The following SERPINB12 variants were observed in gnomAD, a reference collection of about 807,000 sequenced individuals.
SERPINB12 encodes serpin family B member 12.
In SERPINB12, 57 loss-of-function variants were observed where a neutral mutation model predicts 41.1. The observed-to-expected ratio is 1.39, with a 90% confidence interval of 1.12 to 1.73. The LOEUF is 1.73. Among genes scored for constraint, SERPINB12 ranks in the 40% most tolerant of loss-of-function variants. The pLI is 0.00. For missense variants in SERPINB12, 536 were observed against 501.9 expected (o/e 1.07, Z -0.65); for synonymous variants, 180 against 181.3 (o/e 0.99, Z 0.06).
chr18:63,529,693 G>A, the SERPINB12 span, among the ~76,000 whole-genome samples: 1 of 152,156 alleles, frequency 6.6e-6, no homozygotes, highest in African/African-American at 2.4e-5. Context: ...GTATGTGTGT[G>A]TGTGTGTGTA....
Position 63,542,867 on chromosome 18 carries a change from C to T in SERPINB12, c.-19+375C>T, listed in dbSNP as rs139007098. ...TCCATATGTTCTCAATGTTTAGCTC[C>T]CACTTATAAGTTAGAACATGTGGTA... On this transcript the variant is annotated intron_variant, in intron 1 of 7. Transcript: ENST00000382768. 3.1e-3 allele frequency among the ~76,000 whole-genome samples: 474 copies of T among 152,208 alleles called. 6 individuals are homozygous for T. The highest frequency in any genetic ancestry group is 0.011 in the African/African-American group (450 of 41,534).
At chr18:63,534,580 C>T in the SERPINB12 span, among the ~76,000 whole-genome samples, 33 of 152,170 alleles carry the variant, frequency 2.2e-4, no homozygotes, top group Non-Finnish European at 1.9e-4. Flanking sequence ...TCTAGTGGAA[C>T]GTGGAAATAA....
At position 63,568,940 on chromosome 18, in the gene SERPINB12, G is replaced by A. The variant is rs1185689325; in HGVS notation, c.*1929G>A. On this transcript the variant is annotated 3_prime_UTR_variant, in exon 8 of 8. Transcript: ENST00000382768. Reference sequence around the variant, plus strand: ...AGGCAGTGCCCTATCCAGAATGCATGTCCCATGGGTCAAATTAATTTCAGA... The same window carrying A: ...AGGCAGTGCCCTATCCAGAATGCATATCCCATGGGTCAAATTAATTTCAGA... 6.6e-6 allele frequency among the ~76,000 whole-genome samples: 1 copy of A among 152,182 alleles called. No individual in the cohort carries two copies. Among genetic ancestry groups the A allele is most frequent in the Non-Finnish European group, 1.5e-5 (1 of 68,038 alleles).
At chr18:63,557,483 G>C (rs1308708637) in intron 2 of SERPINB12, among the ~76,000 whole-genome samples, 1 of 152,148 alleles carries the variant, frequency 6.6e-6, no homozygotes, top group South Asian at 2.1e-4. Context: ...ATAGTGCGGG[G>C]GTTATGCACA....
upstream of SERPINB12, among the ~76,000 whole-genome samples, chr18:63,540,583 T>G (rs1240571196): frequency 3.3e-5 from 5 of 152,160 alleles, no homozygotes; most frequent in African/African-American, 1.2e-4. Context: ...GACAAACTGT[T>G]AAATCCCACT....
the SERPINB12 span, among the ~76,000 whole-genome samples, chr18:63,535,497 G>A: frequency 1.4e-3 from 220 of 152,160 alleles, no homozygotes; most frequent in African/African-American, 4.7e-3. Flanking sequence ...AAAATAACTG[G>A]CCCTTACCCG....
At chr18:63,534,313 A>C in the SERPINB12 span, among the ~76,000 whole-genome samples, 7 of 152,182 alleles carry the variant, frequency 4.6e-5, no homozygotes, top group African/African-American at 1.7e-4. Context: ...ACAAAACAAA[A>C]CAAAAAAACA....
intron 1 of SERPINB12, among the ~76,000 whole-genome samples, chr18:63,545,936 A>G (rs1910378044): frequency 6.6e-6 from 1 of 152,216 alleles, no homozygotes; most frequent in Non-Finnish European, 1.5e-5. Context: ...AACTAACAGC[A>G]CGTTTCTTTT....
At chr18:63,522,780 G>A in the SERPINB12 span, among the ~76,000 whole-genome samples, 1 of 152,016 alleles carries the variant, frequency 6.6e-6, no homozygotes, top group Non-Finnish European at 1.5e-5. Flanking sequence ...AATAACTGTG[G>A]ATGACAAAAA....
Position 63,558,400 on chromosome 18 carries a change from C to A in SERPINB12, c.217C>A (p.Pro73Thr). ...CCAGAATGAAAGCAAAGAACCTGAC[C>A]CTTGTCTGAAAAGCAACAAACAAAA... The part of the protein sequence containing the change: ...FSQNESKEPD[P>T]CLKSNKQKVL... The change falls in exon 3 of 8, where the codon CCT becomes ACT. Residue 73 changes from proline to threonine, a missense_variant. By Grantham distance (38) the Pro-to-Thr change is conservative. Coordinates refer to ENST00000382768, the MANE Select transcript of SERPINB12 (RefSeq NM_001307928.2). 6.2e-7 allele frequency: 1 copy of A among 1,613,864 alleles called. No individual in the cohort carries two copies. Among genetic ancestry groups the A allele is most frequent in the East Asian group, 2.2e-5 (1 of 44,874 alleles).
chr18:63,565,549 G>A lies in SERPINB12; in HGVS notation c.810G>A (p.Gly270=), dbSNP rs770028245. 2.2e-5 allele frequency: 35 copies of A among 1,614,152 alleles called. 1 individual carries two copies. In the Middle Eastern group the frequency reaches 4.9e-4, roughly 23 times the overall value. The change falls in exon 7 of 8, where the codon GGG becomes GGA. Residue 270 remains glycine, a synonymous_variant. Coordinates refer to ENST00000382768, the MANE Select transcript of SERPINB12 (RefSeq NM_001307928.2). ...AQILEMRYTK[G]KLSMFVLLPS... ...TCCTGGAAATGAGGTACACCAAGGG[G>A]AAGCTCAGCATGTTCGTGCTGCTGC...
the SERPINB12 span, among the ~76,000 whole-genome samples, chr18:63,521,023 G>A: frequency 2.0e-5 from 3 of 152,156 alleles, no homozygotes; most frequent in Non-Finnish European, 4.4e-5. Context: ...AATTATCCTT[G>A]GCTACAAGAA....
intron 1 of SERPINB12, among the ~76,000 whole-genome samples, chr18:63,544,269 T>G (rs1275177191): frequency 1.3e-5 from 2 of 152,214 alleles, no homozygotes; most frequent in Non-Finnish European, 2.9e-5. Flanking sequence ...GGCTGTAGTT[T>G]GTAAGCCATG....
intron 1 of SERPINB12, among the ~76,000 whole-genome samples, chr18:63,545,755 A>G (rs1254613682): frequency 6.6e-6 from 1 of 152,196 alleles, no homozygotes; most frequent in Non-Finnish European, 1.5e-5. Context: ...TGGAAAGGCT[A>G]TGATGGGCAA....
At chr18:63,522,841 T>C in the SERPINB12 span, among the ~76,000 whole-genome samples, 1 of 152,130 alleles carries the variant, frequency 6.6e-6, no homozygotes, top group East Asian at 1.9e-4. Context: ...AATTTTTTTT[T>C]TGTGGCATAC....
At chr18:63,529,685 ATG>A in the SERPINB12 span, among the ~76,000 whole-genome samples, 66 of 149,122 alleles carry the variant, frequency 4.4e-4, no homozygotes, top group Non-Finnish European at 3.9e-4. Context: ...AGTGCTGTGT[ATG>A]TGTGTGTGTG....
the SERPINB12 span, among the ~76,000 whole-genome samples, chr18:63,530,147 C>G: frequency 1.3e-5 from 2 of 152,160 alleles, no homozygotes; most frequent in Non-Finnish European, 2.9e-5. Flanking sequence ...ATGTCCCAGC[C>G]AGGTTGCTCT....
the SERPINB12 span, among the ~76,000 whole-genome samples, chr18:63,533,848 A>G: frequency 2.4e-4 from 37 of 152,262 alleles, no homozygotes; most frequent in African/African-American, 8.2e-4. Context: ...ATTTTTTTCC[A>G]TCCCTCATAT....
At chr18:63,564,924 G>A (rs1911042342) in intron 6 of SERPINB12, among the ~76,000 whole-genome samples, 1 of 152,200 alleles carries the variant, frequency 6.6e-6, no homozygotes, top group African/African-American at 2.4e-5. Context: ...GGCCAGGTGA[G>A]GTGGCTTACC....
Sources: allele counts gnomAD v4.1 joint callset (sites outside exome capture counted in the v4.1 genomes callset), GRCh38; gene constraint gnomAD v4.1.1; transcripts MANE v1.5; gene names NCBI Gene and HGNC (gene_info 2026-07-23, HGNC 2026-07-21).